Variants in SERPINA5 observed in about 807,000 individuals in gnomAD.
SERPINA5 encodes the protein plasma serine protease inhibitor.
SERPINA5 carries 25 observed loss-of-function variants against 25.3 expected under a neutral mutation model. That is an observed-to-expected ratio of 0.99 (90% confidence interval 0.72 to 1.38). SERPINA5 has a LOEUF of 1.38. Ranked by LOEUF, SERPINA5 falls within the 40% of genes most tolerant of loss-of-function variation. The probability of loss-of-function intolerance (pLI) is 0.00; values close to 1 mark genes in which losing one functional copy is unlikely to be tolerated. For synonymous variants in SERPINA5, 234 were observed against 206.2 expected, an observed-to-expected ratio of 1.14 and a Z score of -1.16; for missense variants, 599 against 509.5, an observed-to-expected ratio of 1.18 and a Z score of -1.69.
chr14:94,591,874 A>T (rs1263820941), intron 5 of SERPINA5, among the ~76,000 whole-genome samples, 183 bp from the exon 6 acceptor site: 2 of 152,240 alleles, frequency 1.3e-5, no homozygotes, highest in African/African-American at 4.8e-5. Context: ...ACACATGCGA[A>T]GTCACCCCCC....
chr14:94,587,201 A>G, intron 2 of SERPINA5, 145 bp from the exon 3 acceptor site: 1 of 729,100 alleles, frequency 1.4e-6, no homozygotes, highest in South Asian at 1.8e-5. Context: ...GTAAACCCTC[A>G]TGCCCAGTCT....
rs1021860157 is a variant in SERPINA5 at position 94,590,871 on chromosome 14, A to G, written c.1013A>G (p.Asn338Ser). 2.5e-6 allele frequency: 4 copies of G among 1,612,648 alleles called. No homozygotes were observed. Among genetic ancestry groups the G allele is most frequent in the Non-Finnish European group, 3.4e-6 (4 of 1,179,102 alleles). The change falls in exon 5 of 6, where the codon AAC becomes AGC. Residue 338 changes from asparagine to serine, a missense_variant. Transcript: ENST00000329597. ...TSHADLSGISNHSNIQVSEMV... is the reference protein window; with the variant it reads ...TSHADLSGISSHSNIQVSEMV... ...CATGCTGATCTGTCCGGCATCAGCA[A>G]CCACTCAAATATCCAGGTGTCTGAG...
rs144727156 is a variant in SERPINA5, at chr14:94,587,718, A to G, written c.356A>G (p.Asn119Ser). 469 of 1,614,178 alleles carry G rather than the reference A, an allele frequency of 2.9e-4. 2 individuals are homozygous for G. The African/African-American group carries it at 5.0e-3, about 17-fold the overall frequency. Reference protein sequence around the residue: ...RGFQQLLQELNQPRDGFQLSL... With the variant: ...RGFQQLLQELSQPRDGFQLSL... ...TTTCAGCAGCTCCTTCAGGAACTCA[A>G]CCAGCCCAGAGATGGCTTCCAGCTG... Residue 119 changes from asparagine (N) to serine (S), a missense_variant, in exon 3 of 6, where the codon AAC becomes AGC. Asn to Ser is a conservative substitution (Grantham distance 46, BLOSUM62 1). Transcript: ENST00000329597.
Position 94,590,138 on chromosome 14 carries a change from G to A in SERPINA5, c.717G>A (p.Glu239=), listed in dbSNP as rs145609267. Reference sequence around the variant, plus strand: ...TGCGGGTACCCATGATGAGCCGCGAGGATCAGTATCACTACCTCCTGGACC... The same window carrying A: ...TGCGGGTACCCATGATGAGCCGCGAAGATCAGTATCACTACCTCCTGGACC... ...TVVRVPMMSR[E]DQYHYLLDRN... is the part of the protein sequence containing the mutation. The change falls in exon 4 of 6, where the codon GAG becomes GAA. Residue 239 remains glutamate, a synonymous_variant. Transcript: ENST00000329597. 1 of 1,614,176 alleles carries A rather than the reference G, an allele frequency of 6.2e-7. No homozygotes were observed. The highest frequency in any genetic ancestry group is 1.3e-5 in the African/African-American group (1 of 75,052).
At chr14:94,588,869 C>G (rs923804625) in intron 3 of SERPINA5, among the ~76,000 whole-genome samples, 5 of 152,180 alleles carry the variant, frequency 3.3e-5, no homozygotes, top group Non-Finnish European at 5.9e-5. Context: ...TCTGTGGTCT[C>G]TTTTGTAAGG....
At chr14:94,589,127 G>A (rs954752760) in intron 3 of SERPINA5, among the ~76,000 whole-genome samples, 1 of 152,194 alleles carries the variant, frequency 6.6e-6, no homozygotes, top group Non-Finnish European at 1.5e-5. Context: ...GGTATTGACT[G>A]GGGTCTTCCT....
At chr14:94,583,256 G>A (rs1884971827) in intron 2 of SERPINA5, among the ~76,000 whole-genome samples, 1 of 152,230 alleles carries the variant, frequency 6.6e-6, no homozygotes, top group African/African-American at 2.4e-5. Context: ...TATATAGAAA[G>A]CCTTTCAGGG....
intron 3 of SERPINA5, among the ~76,000 whole-genome samples, chr14:94,588,224 T>C (rs1885161621): frequency 6.6e-6 from 1 of 152,254 alleles, no homozygotes; most frequent in East Asian, 1.9e-4. Context: ...GTTGCTGTCT[T>C]CGGGCCCCTG....
intron 5 of SERPINA5, among the ~76,000 whole-genome samples, chr14:94,591,381 A>C: frequency 1.4e-5 from 2 of 143,530 alleles, no homozygotes; most frequent in Non-Finnish European, 1.5e-5. Flanking sequence ...CCACTCCTCC[A>C]CTCCACTCCA....
rs1007991523 is a variant in SERPINA5, at chr14:94,590,833, C to T, written c.975C>T (p.Asn325=). Residue 325 remains asparagine, a synonymous_variant, in exon 5 of 6, where the codon AAC becomes AAT. Coordinates refer to ENST00000329597, the MANE Select transcript of SERPINA5 (RefSeq NM_000624.6). ...TCCTCCCCAGTCTGGGGATCAGTAA[C>T]GTCTTCACCTCCCATGCTGATCTGT... ...EKVLPSLGIS[N]VFTSHADLSG... is the part of the protein sequence containing the mutation. 4 of 1,613,950 alleles carry T rather than the reference C, an allele frequency of 2.5e-6. No individual in the cohort carries two copies. Among genetic ancestry groups the T allele is most frequent in the East Asian group, 2.2e-5 (1 of 44,888 alleles).
At chr14:94,590,995 AACTCC>A (rs3065874) in intron 5 of SERPINA5, 99 bp downstream of exon 5, 16,874 of 1,120,078 alleles carry the variant, frequency 0.015, 275 homozygotes, top group African/African-American at 0.025. Flanking sequence ...CATTCCACTC[AACTCC>A]ACTCCACTCC....
chr14:94,587,494 C>G lies in SERPINA5; in HGVS notation c.132C>G (p.Ser44Arg). 1 of 1,614,218 alleles carries G rather than the reference C, an allele frequency of 6.2e-7. No individual in the cohort carries two copies. The highest frequency in any genetic ancestry group is 8.5e-7 in the Non-Finnish European group (1 of 1,180,034). ...TAGGTGCCACGGTGGCCCCCAGCAG[C>G]AGAAGGGACTTTACCTTTGACCTCT... ...LHVGATVAPS[S>R]RRDFTFDLYR... The change falls in exon 3 of 6, where the codon AGC (serine) becomes AGG (arginine). Residue 44 changes from serine (S) to arginine (R), a missense_variant. Coordinates refer to ENST00000329597, the MANE Select transcript of SERPINA5 (RefSeq NM_000624.6).
chr14:94,592,093 G>C lies in SERPINA5; in HGVS notation c.1075G>C (p.Gly359Arg), dbSNP rs533259053. Residue 359 changes from glycine to arginine, a missense_variant, in exon 6 of 6, where the codon GGA becomes CGA. Physicochemically the swap from Gly to Arg is moderately radical, Grantham distance 125. Coordinates refer to ENST00000329597, the MANE Select transcript of SERPINA5 (RefSeq NM_000624.6). ...AGCTGTGGTGGAGGTGGACGAGTCG[G>C]GAACCAGAGCAGCGGCAGCCACGGG... Reference protein sequence around the residue: ...HKAVVEVDESGTRAAAATGTI... With the variant: ...HKAVVEVDESRTRAAAATGTI... The C allele has an allele frequency of 6.2e-7, 1 of 1,613,930 alleles. No homozygotes were observed. The highest frequency in any genetic ancestry group is 1.7e-5 in the Admixed American group (1 of 60,024).
chr14:94,586,091 T>C (rs1172446011), intron 2 of SERPINA5, among the ~76,000 whole-genome samples: 1 of 152,134 alleles, frequency 6.6e-6, no homozygotes, highest in Non-Finnish European at 1.5e-5. Context: ...GCAAGACTTC[T>C]ACCCGTAGCC....
At chr14:94,588,053 C>T (rs1029965792) in intron 3 of SERPINA5, 72 bp downstream of exon 3, 9 of 1,528,660 alleles carry the variant, frequency 5.9e-6, no homozygotes, top group Non-Finnish European at 7.0e-6. Flanking sequence ...ATACCCAATT[C>T]CCTCACATAC....
intron 3 of SERPINA5, among the ~76,000 whole-genome samples, chr14:94,588,717 T>C (rs1254273807): frequency 6.6e-6 from 1 of 152,200 alleles, no homozygotes; most frequent in Non-Finnish European, 1.5e-5. Context: ...ACTGGGTGGC[T>C]TAGCAACAAC....
In SERPINA5 at chr14:94,587,452, A is replaced by T; in HGVS notation, c.90A>T (p.Arg30Ser). Residue 30 changes from arginine (R) to serine (S), a missense_variant, in exon 3 of 6, where the codon AGA becomes AGT. Arg to Ser is a moderately radical substitution (Grantham distance 110). Coordinates refer to ENST00000329597, the MANE Select transcript of SERPINA5 (RefSeq NM_000624.6). ...ACCACCCCCGGGAGATGAAGAAGAG[A>T]GTCGAGGACCTCCATGTAGGTGCCA... Reference protein sequence around the residue: ...HRHHPREMKKRVEDLHVGATV... With the variant: ...HRHHPREMKKSVEDLHVGATV... 1.2e-6 allele frequency: 2 copies of T among 1,614,142 alleles called. No homozygotes were observed. Among genetic ancestry groups the T allele is most frequent in the East Asian group, 4.5e-5 (2 of 44,870 alleles).
Position 94,592,164 on chromosome 14 carries a change from A to AGT in SERPINA5, c.1149_1150dup (p.Phe384CysfsTer7). ...CGGCCCGCCTGAACTCTCAGAGGCT[A>AGT]GTGTTCAACAGGCCCTTTCTGATGT... On this transcript the variant is annotated frameshift_variant, in exon 6 of 6. Coordinates refer to ENST00000329597, the MANE Select transcript of SERPINA5 (RefSeq NM_000624.6). LOFTEE classifies it low-confidence loss of function (END_TRUNC). 1 of 1,614,190 alleles carries AGT rather than the reference A, an allele frequency of 6.2e-7. No homozygotes were observed. The highest frequency in any genetic ancestry group is 1.1e-5 in the South Asian group (1 of 91,086).
At chr14:94,589,593 C>T (rs1254554200) in intron 3 of SERPINA5, among the ~76,000 whole-genome samples, 1 of 152,106 alleles carries the variant, frequency 6.6e-6, no homozygotes, top group Non-Finnish European at 1.5e-5. Context: ...TGGGAAAAAC[C>T]ATTCATTTCC....
Sources: gnomAD v4.1 joint callset for allele counts (sites outside exome capture counted in the v4.1 genomes callset) on GRCh38, gnomAD v4.1.1 for gene constraint, MANE v1.5 for transcripts, NCBI Gene and HGNC (gene_info 2026-07-23, HGNC 2026-07-21) for gene names.